Variants in GRM7 observed in about 807,000 individuals in gnomAD.
The protein encoded by GRM7 is metabotropic glutamate receptor 7.
Under a neutral mutation model 84.5 loss-of-function variants are expected in GRM7, and 35 were observed. That is an observed-to-expected ratio of 0.41 (90% CI 0.32 to 0.55). The LOEUF (loss-of-function observed/expected upper bound fraction) is 0.55, where lower values mean the gene tolerates loss of function less well. Ranked by LOEUF, GRM7 falls within the 20% of genes least tolerant of loss-of-function variation. The pLI is 0.19. For synonymous variants in GRM7, 487 were observed against 455.1 expected, an observed-to-expected ratio of 1.07 and a Z score of -0.89; for missense variants, 1,003 against 1,194.6, an observed-to-expected ratio of 0.84 and a Z score of 2.36.
chr3:6,951,505 A>T (rs1166435030), intron 1 of GRM7, among the ~76,000 whole-genome samples: 5 of 152,176 alleles, frequency 3.3e-5, no homozygotes, highest in African/African-American at 9.6e-5. Context: ...TTTAGTTTAA[A>T]ACAGTTTTAA....
At chr3:7,086,709 A>G (rs1698470336) in intron 1 of GRM7, among the ~76,000 whole-genome samples, 1 of 152,210 alleles carries the variant, frequency 6.6e-6, no homozygotes, top group African/African-American at 2.4e-5. Flanking sequence ...GAAAGCAGCA[A>G]GACTTTAGCA....
intron 5 of GRM7, among the ~76,000 whole-genome samples, chr3:7,449,448 G>C (rs879653008): frequency 6.6e-6 from 1 of 152,104 alleles, no homozygotes; most frequent in African/African-American, 2.4e-5. Flanking sequence ...CAAGTTGCTA[G>C]ATTTTCTTTC....
intron 1 of GRM7, among the ~76,000 whole-genome samples, chr3:6,961,608 CT>C (rs983890635): frequency 2.6e-5 from 4 of 152,068 alleles, no homozygotes; most frequent in African/African-American, 9.7e-5. Flanking sequence ...TATCTGTCTT[CT>C]TTTTACTTCC....
At chr3:7,099,467 A>T (rs907574157) in intron 1 of GRM7, among the ~76,000 whole-genome samples, 1 of 147,890 alleles carries the variant, frequency 6.8e-6, no homozygotes, top group South Asian at 2.1e-4. Flanking sequence ...ATACAAATAC[A>T]TATACACATA....
intron 1 of GRM7, among the ~76,000 whole-genome samples, chr3:6,875,363 G>C (rs1695264213): frequency 6.6e-6 from 1 of 152,090 alleles, no homozygotes; most frequent in Non-Finnish European, 1.5e-5. Flanking sequence ...GCGGGGCCAG[G>C]TAGAGGTAAA....
intron 1 of GRM7, among the ~76,000 whole-genome samples, chr3:7,053,095 A>C (rs1405262970): frequency 6.7e-6 from 1 of 149,950 alleles, no homozygotes; most frequent in Non-Finnish European, 1.5e-5. Flanking sequence ...TTTTAAAATA[A>C]TTCTAGTTGG....
chr3:6,983,808 T>G (rs1473576921), intron 1 of GRM7, among the ~76,000 whole-genome samples: 1 of 152,148 alleles, frequency 6.6e-6, no homozygotes, highest in Non-Finnish European at 1.5e-5. Context: ...GTTTTGTTTT[T>G]TTTTTGTTTT....
chr3:6,894,916 G>A (rs1266217955), intron 1 of GRM7, among the ~76,000 whole-genome samples: 1 of 152,202 alleles, frequency 6.6e-6, no homozygotes. Flanking sequence ...CTCAAGTGAA[G>A]TCTAAGTGTA....
At chr3:7,650,094 A>C (rs377223016) in intron 8 of GRM7, among the ~76,000 whole-genome samples, 1 of 152,218 alleles carries the variant, frequency 6.6e-6, no homozygotes, top group East Asian at 1.9e-4. Flanking sequence ...CCACAAAGGA[A>C]GAAAACCTTT....
At chr3:7,533,665 G>A (rs1354881968) in intron 7 of GRM7, among the ~76,000 whole-genome samples, 1 of 152,176 alleles carries the variant, frequency 6.6e-6, no homozygotes, top group Admixed American at 6.5e-5. Flanking sequence ...AAACTTTCCT[G>A]ATATTTACTG....
At chr3:7,130,147 C>A (rs913028652) in intron 1 of GRM7, among the ~76,000 whole-genome samples, 5 of 152,092 alleles carry the variant, frequency 3.3e-5, no homozygotes, top group African/African-American at 1.2e-4. Context: ...GTTGAGATAC[C>A]TTGTCCTGAC....
chr3:7,379,413 C>T lies in GRM7; in HGVS notation c.1034-35610C>T, dbSNP rs192772444. On this transcript the variant is annotated intron_variant, in intron 4 of 9. Transcript: ENST00000357716. ...CAGACTCTTCTGTGAATTTTACAAG[C>T]GACATCATAACCACCTCTAAAGATC... Among the ~76,000 whole-genome samples the T allele has an allele frequency of 3.0e-3, 457 of 152,162 alleles. 10 individuals are homozygous for T. The highest frequency in any genetic ancestry group is 0.027 in the Admixed American group (413 of 15,256).
At chr3:7,205,584 T>C (rs1696208966) in intron 2 of GRM7, among the ~76,000 whole-genome samples, 1 of 152,254 alleles carries the variant, frequency 6.6e-6, no homozygotes, top group African/African-American at 2.4e-5. Context: ...GAATCACTGA[T>C]TTCAATGTTT....
intron 1 of GRM7, among the ~76,000 whole-genome samples, chr3:7,083,942 C>T (rs9856393): frequency 0.37 from 55,601 of 151,780 alleles, 10,421 homozygotes; most frequent in Middle Eastern, 0.44. Context: ...TGAATGCTCA[C>T]GAAGCATCCT....
At chr3:7,425,853 T>A (rs567332972) in intron 5 of GRM7, among the ~76,000 whole-genome samples, 1 of 152,238 alleles carries the variant, frequency 6.6e-6, no homozygotes, top group Admixed American at 6.5e-5. Flanking sequence ...TGTACAGAAA[T>A]CACTATGACA....
chr3:6,966,588 A>G (rs4686103), intron 1 of GRM7, among the ~76,000 whole-genome samples: 23 of 152,284 alleles, frequency 1.5e-4, no homozygotes, highest in South Asian at 1.0e-3. Flanking sequence ...GTCTTCTTAT[A>G]CTTACCTTGC....
intron 2 of GRM7, among the ~76,000 whole-genome samples, chr3:7,194,328 G>A (rs1324076794): frequency 6.6e-6 from 1 of 152,118 alleles, no homozygotes; most frequent in Non-Finnish European, 1.5e-5. Flanking sequence ...GATCTCATGG[G>A]AATGTTGTGA....
At chr3:7,199,499 C>A (rs146871386) in intron 2 of GRM7, among the ~76,000 whole-genome samples, 1 of 152,226 alleles carries the variant, frequency 6.6e-6, no homozygotes, top group African/African-American at 2.4e-5. Flanking sequence ...TGCTATGCAG[C>A]AATCAATCAC....
chr3:6,952,347 G>GT (rs59314404), intron 1 of GRM7, among the ~76,000 whole-genome samples: 9 of 152,190 alleles, frequency 5.9e-5, no homozygotes, highest in East Asian at 1.9e-4. Flanking sequence ...TCTAAACCTT[G>GT]TTTTTTCTGA....
Sources: gnomAD v4.1 joint callset for allele counts (sites outside exome capture counted in the v4.1 genomes callset) on GRCh38, gnomAD v4.1.1 for gene constraint, MANE v1.5 for transcripts, NCBI Gene and HGNC (gene_info 2026-07-23, HGNC 2026-07-21) for gene names.